Variants in VPS53 observed in about 807,000 individuals in gnomAD.
VPS53 encodes the protein VPS53 subunit of GARP complex, also known as vacuolar protein sorting-associated protein 53 homolog.
VPS53 carries 70 observed loss-of-function variants against 107.0 expected under a neutral mutation model. The ratio of observed to expected loss-of-function variants is 0.65; its 90% confidence interval spans 0.54 to 0.80. The LOEUF (loss-of-function observed/expected upper bound fraction) is 0.80. VPS53 is among the 30% of genes least tolerant of loss of function. VPS53 has a pLI of 0.00. For synonymous variants in VPS53, 409 were observed against 393.3 expected, an observed-to-expected ratio of 1.04 and a Z score of -0.47; for missense variants, 917 against 1,049.4, an observed-to-expected ratio of 0.87 and a Z score of 1.74.
Position 656,808 on chromosome 17 carries a change from G to T in VPS53, c.373-855C>A, listed in dbSNP as rs533293834. The T allele has an allele frequency of 3.0e-5, 46 of 1,553,016 alleles. No homozygotes were observed. In the South Asian group the frequency reaches 4.9e-4, roughly 17 times the overall value. ...CACGGACCATTTCACCCGCTGCTCT[G>T]TTTGGCCGCCAGTCTCTTGTCTCTC... On this transcript the variant is annotated intron_variant, in intron 5 of 21. Transcript: ENST00000437048.
Position 562,667 on chromosome 17 carries a change from C to G in VPS53, c.1392G>C (p.Gly464=), listed in dbSNP as rs756872984. ...QGPPKPNTDE[G]GAVLPSCADL... Reference sequence around the variant, plus strand: ...CGGCGCAGCTGGGGAGCACGGCACCCCCTTCATCAGTGTTGGGCTTAGGTG... The same window carrying G: ...CGGCGCAGCTGGGGAGCACGGCACCGCCTTCATCAGTGTTGGGCTTAGGTG... Residue 464 remains glycine (G), a synonymous_variant, in exon 14 of 22, where the codon GGG becomes GGC. Transcript: ENST00000437048. 1.5e-5 allele frequency: 24 copies of G among 1,613,770 alleles called. No individual in the cohort carries two copies. Among genetic ancestry groups the G allele is most frequent in the Middle Eastern group, 3.3e-4 (2 of 6,080 alleles).
At chr17:564,317 G>T (rs1341972761) in intron 13 of VPS53, among the ~76,000 whole-genome samples, 1 of 149,662 alleles carries the variant, frequency 6.7e-6, no homozygotes, top group African/African-American at 2.5e-5. Flanking sequence ...AAGGCAGGCG[G>T]ATCACAAGGT....
In VPS53 at chr17:597,881, A is replaced by T. The variant is rs185148600; in HGVS notation, c.1218+3914T>A. Among the ~76,000 whole-genome samples the T allele has an allele frequency of 6.9e-3, 1,049 of 151,154 alleles. 11 individuals carry two copies. Among genetic ancestry groups the T allele is most frequent in the African/African-American group, 0.023 (945 of 41,166 alleles). ...CACCATTCCCGGCCATTTTTTTTTT[A>T]AATTACATAAAACCTCTGGTTCAAA... On this transcript the variant is annotated intron_variant, in intron 12 of 21. Transcript: ENST00000437048.
Position 631,576 on chromosome 17 carries a change from C to T in VPS53, c.661G>A (p.Glu221Lys). The change falls in exon 8 of 22, where the codon GAA becomes AAA. Residue 221 changes from glutamate (E) to lysine (K), a missense_variant. Physicochemically the swap from Glu to Lys is moderately conservative, Grantham distance 56 (BLOSUM62 1). Transcript: ENST00000437048. The part of the protein sequence containing the change: ...LGQQILADFE[E>K]AFPSQGTKRP... ...TTGGTGCCCTGGGAAGGAAACGCTT[C>T]TTCAAAATCTGCCAGGATTTGCTGT... 6.2e-7 allele frequency: 1 copy of T among 1,614,120 alleles called. No individual in the cohort carries two copies. Among genetic ancestry groups the T allele is most frequent in the Non-Finnish European group, 8.5e-7 (1 of 1,180,024 alleles).
intron 17 of VPS53, among the ~76,000 whole-genome samples, chr17:544,941 T>G (rs1911064467): frequency 6.6e-6 from 1 of 151,636 alleles, no homozygotes; most frequent in Non-Finnish European, 1.5e-5. Flanking sequence ...ATTAGCCAGG[T>G]GTGGTGGTGT....
chr17:627,345 C>T, intron 9 of VPS53, 29 bp from the exon 10 acceptor site: 1 of 1,602,934 alleles, frequency 6.2e-7, no homozygotes, highest in Non-Finnish European at 8.5e-7. Flanking sequence ...AAAAGCCACC[C>T]CAGTGGTTAG....
rs545475158 is a variant in VPS53, at chr17:682,112, T to C, written c.285+15306A>G. ...CATTTCTTAGTCTATTCAGCTGCAA[T>C]TCATAGAACAGAACACTTTAAACAC... On this transcript the variant is annotated intron_variant, in intron 4 of 21. Coordinates refer to ENST00000437048, the MANE Select transcript of VPS53 (RefSeq NM_001128159.3). 8.2e-4 allele frequency among the ~76,000 whole-genome samples: 125 copies of C among 152,356 alleles called. 2 individuals carry two copies. Among genetic ancestry groups the C allele is most frequent in the African/African-American group, 3.0e-3 (123 of 41,578 alleles).
intron 8 of VPS53, among the ~76,000 whole-genome samples, chr17:629,408 C>T (rs1232381199): frequency 6.6e-6 from 1 of 152,124 alleles, no homozygotes. Flanking sequence ...TCTTAATTCC[C>T]ACTTGTGAAA....
intron 1 of VPS53, among the ~76,000 whole-genome samples, chr17:712,063 G>A (rs761262871): frequency 1.3e-5 from 2 of 151,556 alleles, no homozygotes; most frequent in Admixed American, 6.6e-5. Context: ...TGATCCACCC[G>A]CCTCGGCCTC....
chr17:598,686 G>A (rs1211377405), intron 12 of VPS53, among the ~76,000 whole-genome samples: 2 of 136,432 alleles, frequency 1.5e-5, no homozygotes, highest in Non-Finnish European at 3.2e-5. Context: ...ATTTCTGCCC[G>A]GCCGCCCCGT....
chr17:516,515 C>T lies in VPS53; in HGVS notation c.*2613G>A, dbSNP rs1409639076. 1 of 151,988 alleles carries T rather than the reference C, an allele frequency of 6.6e-6. No individual in the cohort carries two copies. The highest frequency in any genetic ancestry group is 1.5e-5 in the Non-Finnish European group (1 of 68,068). 9.4% of individuals were successfully genotyped at this position (151,988 alleles called of 1,614,324 possible). ...CCAAGTAGCTGGGAGGTGTGCACGC[C>T]ACCACACCCCGGTAATTTTTGTATT... On this transcript the variant is annotated 3_prime_UTR_variant, in exon 22 of 22. Transcript: ENST00000437048.
intron 14 of VPS53, among the ~76,000 whole-genome samples, chr17:562,202 G>A (rs977328470): frequency 1.3e-5 from 2 of 152,084 alleles, no homozygotes; most frequent in Non-Finnish European, 2.9e-5. Context: ...TTTTTTGTAT[G>A]TGCCAAGTAT....
At chr17:551,633 C>CTTT (rs34842319) in intron 17 of VPS53, 8 of 268,454 alleles carry the variant, frequency 3.0e-5, no homozygotes, top group South Asian at 9.2e-5. Context: ...TACTTCGTCT[C>CTTT]TTTTTTTTTT....
rs148643487 is a variant in VPS53 at position 551,946 on chromosome 17, T to C, written c.1792A>G (p.Ile598Val). The change falls in exon 17 of 22, where the codon ATC becomes GTC. Residue 598 changes from isoleucine to valine, a missense_variant. Transcript: ENST00000437048. ...ACCAGCAGCTGAATACTGCTGGAGA[T>C]GACGCTGCAAATCAAACAAATCACT... ...TGEMDTFSTV[I>V]SSSIQLLVQD... The C allele has an allele frequency of 1.1e-5, 17 of 1,593,556 alleles. No individual in the cohort carries two copies. The highest frequency in any genetic ancestry group is 1.5e-5 in the Non-Finnish European group (17 of 1,168,996).
At chr17:682,675 TGG>T (rs1304192923) in intron 4 of VPS53, among the ~76,000 whole-genome samples, 1 of 151,536 alleles carries the variant, frequency 6.6e-6, no homozygotes, top group African/African-American at 2.4e-5. Context: ...GAGGAAAAAA[TGG>T]GGGCACTCTC....
At chr17:714,351 T>C in intron 1 of VPS53, 2 of 500,368 alleles carry the variant, frequency 4.0e-6, no homozygotes, top group South Asian at 2.4e-5. Context: ...TGCATTCTCC[T>C]AGCGTCGTCC....
chr17:695,366 T>A (rs138973091), intron 4 of VPS53, among the ~76,000 whole-genome samples: 13 of 151,972 alleles, frequency 8.6e-5, no homozygotes, highest in Non-Finnish European at 1.8e-4. Context: ...ATGGGTAAGA[T>A]TGGGAAATGC....
intron 5 of VPS53, chr17:657,386 C>G (rs1971237150): frequency 2.5e-6 from 2 of 797,770 alleles, no homozygotes. Flanking sequence ...GCATGCAAAT[C>G]TTCTTAAGTC....
intron 13 of VPS53, among the ~76,000 whole-genome samples, chr17:573,195 T>C (rs1035923298): frequency 4.6e-5 from 7 of 152,094 alleles, no homozygotes; most frequent in African/African-American, 1.7e-4. Flanking sequence ...GAGAACGCCA[T>C]AGAATGGGGT....
Sources: allele counts gnomAD v4.1 joint callset (sites outside exome capture counted in the v4.1 genomes callset), GRCh38; gene constraint gnomAD v4.1.1; transcripts MANE v1.5; gene names NCBI Gene and HGNC (gene_info 2026-07-23, HGNC 2026-07-21).